Variants in GNB1L observed in about 807,000 individuals in gnomAD.
The protein encoded by GNB1L is G protein subunit beta 1 like, also known as guanine nucleotide-binding protein subunit beta-like protein 1.
A neutral mutation model predicts 29.1 loss-of-function variants in GNB1L; 20 were observed. The ratio of observed to expected loss-of-function variants is 0.69; its 90% CI spans 0.48 to 1.00. GNB1L has a LOEUF of 1.00. Ranked by LOEUF, GNB1L falls within the 50% of genes least tolerant of loss-of-function variation. The pLI, the probability that GNB1L is intolerant of heterozygous loss-of-function variation, is 0.00. For synonymous variants in GNB1L, 193 were observed against 206.5 expected (o/e 0.93, Z 0.56); for missense variants, 421 against 464.9 (o/e 0.91, Z 0.87).
intron 7 of GNB1L, among the ~76,000 whole-genome samples, chr22:19,789,912 C>G (rs1207914349): frequency 6.6e-6 from 1 of 151,150 alleles, no homozygotes; most frequent in African/African-American, 2.4e-5. Flanking sequence ...GGTGGCCAGA[C>G]AAAAAGACCA....
At chr22:19,853,068 G>A (rs8140875) in intron 2 of GNB1L, among the ~76,000 whole-genome samples, 11 of 152,206 alleles carry the variant, frequency 7.2e-5, no homozygotes, top group East Asian at 5.8e-4. Flanking sequence ...CTGCTTCCCC[G>A]ACAGAGCAGT....
At chr22:19,789,517 A>C (rs926252101) in intron 7 of GNB1L, among the ~76,000 whole-genome samples, 9 of 149,262 alleles carry the variant, frequency 6.0e-5, no homozygotes, top group African/African-American at 2.2e-4. Flanking sequence ...TGAGGGGGGG[A>C]CAAGGGGGAG....
At chr22:19,811,406 C>T (rs1316020169) in intron 5 of GNB1L, among the ~76,000 whole-genome samples, 2 of 152,152 alleles carry the variant, frequency 1.3e-5, no homozygotes, top group Non-Finnish European at 2.9e-5. Flanking sequence ...CCCCATGCCC[C>T]GCCCTCGGGC....
chr22:19,813,089 C>T (rs1027646001), intron 4 of GNB1L, among the ~76,000 whole-genome samples: 8 of 152,050 alleles, frequency 5.3e-5, no homozygotes, highest in East Asian at 1.9e-4. Context: ...CATGGGCTGG[C>T]GGAGTCGAAT....
chr22:19,849,130 T>A (rs1221932286), intron 2 of GNB1L: 1 of 985,402 alleles, frequency 1.0e-6, no homozygotes, highest in East Asian at 1.1e-4. Flanking sequence ...CTGACCAGAA[T>A]CAAGACTGAA....
At chr22:19,836,707 G>GA (rs1227728789) in intron 2 of GNB1L, among the ~76,000 whole-genome samples, 1 of 152,076 alleles carries the variant, frequency 6.6e-6, no homozygotes, top group African/African-American at 2.4e-5. Context: ...CAACAGTGTA[G>GA]AAAAAGAATA....
intron 4 of GNB1L, among the ~76,000 whole-genome samples, chr22:19,814,956 A>G (rs1377398436): frequency 2.6e-5 from 4 of 151,684 alleles, no homozygotes; most frequent in Non-Finnish European, 5.9e-5. Flanking sequence ...GAATTGCTTG[A>G]GCCTGGGAGA....
At chr22:19,852,233 C>T (rs1362934716) in intron 2 of GNB1L, 1 of 1,611,032 alleles carries the variant, frequency 6.2e-7, no homozygotes, top group South Asian at 1.1e-5. Flanking sequence ...AATGCGAGGG[C>T]CCTGCTGACG....
At chr22:19,841,620 C>G (rs1460627940) in intron 2 of GNB1L, among the ~76,000 whole-genome samples, 1 of 152,170 alleles carries the variant, frequency 6.6e-6, no homozygotes, top group Non-Finnish European at 1.5e-5. Flanking sequence ...GCAGCCTAGC[C>G]TAAAGAGACC....
At chr22:19,851,588 AG>A in intron 2 of GNB1L, 1 of 1,602,688 alleles carries the variant, frequency 6.2e-7, no homozygotes, top group Non-Finnish European at 8.5e-7. Flanking sequence ...ACCCATGTCG[AG>A]TGCCAGGCCC....
Position 19,802,031 on chromosome 22 carries a change from G to GT in GNB1L, c.701_702insA (p.Trp235LeufsTer16). 1 of 1,602,742 alleles carries GT rather than the reference G, an allele frequency of 6.2e-7. No homozygotes were observed. ...GGGCCTGCTGCCAGTCCAGGCTCCA[G>GT]ACAGCCAGCGCCTTCCCCGCGGAGC... On this transcript the variant is annotated frameshift_variant, in exon 7 of 8. Transcript: ENST00000329517. LOFTEE classifies it high-confidence loss of function.
At chr22:19,806,314 G>A (rs866823027) in intron 6 of GNB1L, among the ~76,000 whole-genome samples, 1 of 152,230 alleles carries the variant, frequency 6.6e-6, no homozygotes, top group African/African-American at 2.4e-5. Context: ...CCCTAAGCAC[G>A]GCCCAAGTAC....
rs539063015 is a variant in GNB1L at position 19,837,187 on chromosome 22, T to C, written c.-20-15812A>G. Among the ~76,000 whole-genome samples, 1,120 of 150,724 alleles carry C rather than the reference T, an allele frequency of 7.4e-3. 3 individuals carry two copies. Among genetic ancestry groups the C allele is most frequent in the Non-Finnish European group, 0.01 (695 of 67,532 alleles). On this transcript the variant is annotated intron_variant, in intron 2 of 7. Coordinates refer to ENST00000329517, the MANE Select transcript of GNB1L (RefSeq NM_053004.3). ...CTCACCGTGTTAGCCAGGATGGTGT[T>C]GATCTCCTGACCTCGTGATCCACCC...
At chr22:19,811,365 C>T (rs544485812) in intron 5 of GNB1L, among the ~76,000 whole-genome samples, 21 of 152,274 alleles carry the variant, frequency 1.4e-4, no homozygotes, top group Middle Eastern at 6.8e-3. Flanking sequence ...GTAGCCCCCA[C>T]GTGTGCGCCC....
intron 7 of GNB1L, among the ~76,000 whole-genome samples, chr22:19,795,611 G>A (rs529189705): frequency 3.9e-5 from 6 of 152,322 alleles, no homozygotes; most frequent in South Asian, 2.1e-4. Context: ...CAAAATCAAC[G>A]AATATTTGGA....
intron 7 of GNB1L, among the ~76,000 whole-genome samples, chr22:19,800,575 G>A (rs569268238): frequency 7.2e-5 from 11 of 152,258 alleles, no homozygotes; most frequent in East Asian, 3.9e-4. Context: ...TGCTCAGAAC[G>A]GGCATCATGA....
At chr22:19,798,214 T>G (rs547837671) in intron 7 of GNB1L, among the ~76,000 whole-genome samples, 1 of 150,998 alleles carries the variant, frequency 6.6e-6, no homozygotes, top group South Asian at 2.1e-4. Context: ...CGTGAGGGGA[T>G]GCTGGCATGT....
At chr22:19,807,158 T>C (rs899248336) in intron 5 of GNB1L, among the ~76,000 whole-genome samples, 2 of 152,156 alleles carry the variant, frequency 1.3e-5, no homozygotes, top group Non-Finnish European at 2.9e-5. Context: ...ACTTGAGAAA[T>C]GAATGTGATG....
intron 2 of GNB1L, chr22:19,848,647 A>T: frequency 1.0e-6 from 1 of 985,468 alleles, no homozygotes; most frequent in East Asian, 1.1e-4. Flanking sequence ...AAACCAGGTC[A>T]CCTGGACTCT....
Sources: gnomAD v4.1 joint callset for allele counts (sites outside exome capture counted in the v4.1 genomes callset) on GRCh38, gnomAD v4.1.1 for gene constraint, MANE v1.5 for transcripts, NCBI Gene and HGNC (gene_info 2026-07-23, HGNC 2026-07-21) for gene names.